The following NEIL3 variants were observed in gnomAD, a reference collection of about 807,000 sequenced individuals.
NEIL3 encodes the protein nei like DNA glycosylase 3, also known as endonuclease 8-like 3.
In NEIL3, 48 loss-of-function variants were observed where a neutral mutation model predicts 57.5. The ratio of observed to expected loss-of-function variants is 0.83; its 90% CI spans 0.66 to 1.06. The LOEUF is 1.06. Among genes scored for constraint, NEIL3 ranks in the 50% least tolerant of loss-of-function variants. The probability of loss-of-function intolerance (pLI) is 0.00; values close to 1 mark genes in which losing one functional copy is unlikely to be tolerated. For missense variants in NEIL3, 717 were observed against 739.1 expected (o/e 0.97, Z 0.35); for synonymous variants, 261 against 253.2 (o/e 1.03, Z -0.29).
intron 1 of NEIL3, among the ~76,000 whole-genome samples, chr4:177,315,789 A>G (rs901122560): frequency 4.6e-5 from 7 of 152,236 alleles, no homozygotes; most frequent in African/African-American, 1.7e-4. Flanking sequence ...GCAATGGCCA[A>G]TTGTAAGTTG....
At chr4:177,343,885 A>G (rs1440335132) in intron 6 of NEIL3, among the ~76,000 whole-genome samples, 1 of 152,088 alleles carries the variant, frequency 6.6e-6, no homozygotes, top group Non-Finnish European at 1.5e-5. Context: ...TGACCAAGTA[A>G]CTAGATACTG....
At chr4:177,342,086 G>A (rs1054503555) in intron 6 of NEIL3, among the ~76,000 whole-genome samples, 29 of 152,306 alleles carry the variant, frequency 1.9e-4, no homozygotes, top group Admixed American at 1.8e-3. Flanking sequence ...GCCAGTTGCT[G>A]AGTATGTCTC....
intron 4 of NEIL3, among the ~76,000 whole-genome samples, chr4:177,338,179 T>C (rs1319996485): frequency 6.6e-6 from 1 of 152,222 alleles, no homozygotes; most frequent in Non-Finnish European, 1.5e-5. Flanking sequence ...TTTGGATGTA[T>C]GTAAGTTTTA....
chr4:177,365,955 A>G (rs1389601778), downstream of NEIL3, among the ~76,000 whole-genome samples: 1 of 152,160 alleles, frequency 6.6e-6, no homozygotes, highest in East Asian at 1.9e-4. Flanking sequence ...GATGTGACCC[A>G]GTTTTAGAGG....
At chr4:177,346,786 G>C (rs970415183) in intron 6 of NEIL3, among the ~76,000 whole-genome samples, 1 of 152,078 alleles carries the variant, frequency 6.6e-6, no homozygotes, top group Non-Finnish European at 1.5e-5. Context: ...AGGTTCACGA[G>C]GTCAAGAGAT....
intron 4 of NEIL3, among the ~76,000 whole-genome samples, chr4:177,337,316 A>G (rs913506253): frequency 6.6e-6 from 1 of 152,204 alleles, no homozygotes; most frequent in Non-Finnish European, 1.5e-5. Flanking sequence ...TATTTTTTAC[A>G]TAATTGACTC....
At chr4:177,362,260 A>G in intron 9 of NEIL3, 29 bp from the exon 10 acceptor site, 2 of 1,572,424 alleles carry the variant, frequency 1.3e-6, no homozygotes, top group Non-Finnish European at 1.7e-6. Context: ...TTTTGTATAA[A>G]CTTGTAAATT....
intron 6 of NEIL3, among the ~76,000 whole-genome samples, chr4:177,347,424 G>A (rs1218203000): frequency 6.6e-6 from 1 of 152,106 alleles, no homozygotes; most frequent in Non-Finnish European, 1.5e-5. Flanking sequence ...TTGAACGGGC[G>A]TGAAATAACT....
chr4:177,317,202 A>C (rs751149668), intron 1 of NEIL3, among the ~76,000 whole-genome samples: 13 of 152,162 alleles, frequency 8.5e-5, no homozygotes, highest in Admixed American at 5.9e-4. Flanking sequence ...CAACATTGGT[A>C]ATTTCAGAGT....
intron 1 of NEIL3, among the ~76,000 whole-genome samples, chr4:177,320,240 T>A (rs544430806): frequency 6.6e-6 from 1 of 152,262 alleles, no homozygotes; most frequent in East Asian, 1.9e-4. Context: ...TGTTTGTCAA[T>A]TCAGGGCTCT....
the NEIL3 span, among the ~76,000 whole-genome samples, chr4:177,370,814 T>C: frequency 3.3e-5 from 5 of 151,894 alleles, no homozygotes; most frequent in Admixed American, 1.3e-4. Context: ...GGTGGGAGGA[T>C]CACTTGAGCC....
At chr4:177,348,712 G>A (rs1168378785) in intron 6 of NEIL3, among the ~76,000 whole-genome samples, 3 of 152,022 alleles carry the variant, frequency 2.0e-5, no homozygotes, top group Non-Finnish European at 2.9e-5. Flanking sequence ...CAGATCCCAC[G>A]GGATTTGCTG....
intron 7 of NEIL3, among the ~76,000 whole-genome samples, chr4:177,351,879 T>G (rs10001041): frequency 0.019 from 2,966 of 152,320 alleles, 92 homozygotes; most frequent in African/African-American, 0.067. Flanking sequence ...ACTTTCGAGT[T>G]TGTTATTCAG....
At chr4:177,329,478 G>C (rs1331432557) in intron 2 of NEIL3, among the ~76,000 whole-genome samples, 1 of 151,936 alleles carries the variant, frequency 6.6e-6, no homozygotes, top group African/African-American at 2.4e-5. Context: ...TTCAGATCAA[G>C]GAATATTACT....
intron 8 of NEIL3, chr4:177,357,075 G>C (rs1252347843): frequency 6.6e-6 from 1 of 152,198 alleles, no homozygotes; most frequent in East Asian, 1.9e-4. Context: ...TCTCTTGGTT[G>C]CTTCTTGGAG....
In NEIL3 at chr4:177,362,761, A is replaced by G; in HGVS notation, c.*290A>G. 4.8e-6 allele frequency: 1 copy of G among 206,854 alleles called. No individual in the cohort carries two copies. The highest frequency in any genetic ancestry group is 9.6e-6 in the Non-Finnish European group (1 of 103,938). The allele number at this position is 206,854 out of a possible 1,614,324, so 12.8% of individuals were successfully genotyped here. A position where few individuals can be genotyped will look rare whatever the true frequency, so the allele number is the denominator to read the frequency against. ...GATAAAGTGTTTTTAGTATGCTTTTAGTCTCTTGTAACTGGGGAGAAGCAG... is the reference window on the plus strand; with the variant it reads ...GATAAAGTGTTTTTAGTATGCTTTTGGTCTCTTGTAACTGGGGAGAAGCAG... On this transcript the variant is annotated 3_prime_UTR_variant, in exon 10 of 10. Transcript: ENST00000264596.
chr4:177,339,653 A>G (rs1006486474), intron 4 of NEIL3, 130 bp from the exon 5 acceptor site: 6 of 649,748 alleles, frequency 9.2e-6, no homozygotes, highest in Non-Finnish European at 1.6e-5. Context: ...GTTCAAACCC[A>G]TGTTGTTCAA....
chr4:177,361,859 C>T (rs1015104915), intron 9 of NEIL3, among the ~76,000 whole-genome samples: 4 of 151,994 alleles, frequency 2.6e-5, no homozygotes, highest in African/African-American at 9.7e-5. Context: ...CTCTTGTGCT[C>T]AAGCTATCCT....
At chr4:177,345,712 C>T (rs1416773431) in intron 6 of NEIL3, among the ~76,000 whole-genome samples, 1 of 103,622 alleles carries the variant, frequency 9.7e-6, no homozygotes, top group African/African-American at 3.8e-5. Context: ...TTTCTTGAGA[C>T]AGAGTCTCAA....
Sources: gnomAD v4.1 joint callset for allele counts (sites outside exome capture counted in the v4.1 genomes callset) on GRCh38, gnomAD v4.1.1 for gene constraint, MANE v1.5 for transcripts, NCBI Gene and HGNC (gene_info 2026-07-23, HGNC 2026-07-21) for gene names.